The following NDUFS3 variants were observed in gnomAD, a reference collection of about 807,000 sequenced individuals.
NDUFS3 encodes NADH dehydrogenase [ubiquinone] iron-sulfur protein 3, mitochondrial.
In NDUFS3, 19 loss-of-function variants were observed where a neutral mutation model predicts 30.8. The observed-to-expected ratio is 0.62, with a 90% CI of 0.43 to 0.91. The LOEUF (loss-of-function observed/expected upper bound fraction) is 0.91. NDUFS3 is among the 40% of genes least tolerant of loss of function. The pLI, the probability that NDUFS3 is intolerant of heterozygous loss-of-function variation, is 0.00. For missense variants in NDUFS3, 331 were observed against 342.0 expected (o/e 0.97, Z 0.25); for synonymous variants, 153 against 135.8 (o/e 1.13, Z -0.88).
At chr11:47,579,438 T>C (rs766127937) in intron 2 of NDUFS3, 104 bp downstream of exon 2, 2 of 1,448,800 alleles carry the variant, frequency 1.4e-6, no homozygotes, top group Middle Eastern at 3.5e-4. Flanking sequence ...TGGCAAATCT[T>C]GGAGATCTGA....
At position 47,579,076 on chromosome 11, in the gene NDUFS3, T is replaced by C. The variant is rs777710653; in HGVS notation, c.-16T>C. On this transcript the variant is annotated 5_prime_UTR_variant, in exon 1 of 7. Transcript: ENST00000263774. ...TGCTGTCTTTCCGTCCGCTGCCTAGTCTGCATCTGAGTAACATGGCGGCGG... is the reference window on the plus strand; with the variant it reads ...TGCTGTCTTTCCGTCCGCTGCCTAGCCTGCATCTGAGTAACATGGCGGCGG... 1.3e-6 allele frequency: 2 copies of C among 1,557,124 alleles called. No homozygotes were observed. Among genetic ancestry groups the C allele is most frequent in the Non-Finnish European group, 1.7e-6 (2 of 1,151,494 alleles).
rs1168004731 is a variant in NDUFS3, at chr11:47,579,417, C to G, written c.133+83C>G. 1.9e-6 allele frequency: 3 copies of G among 1,542,824 alleles called. No homozygotes were observed. The East Asian group carries it at 6.7e-5, about 35-fold the overall frequency. ...TGTCCTTGCCCTAGGATGCCCTTCCCTACGTCCTCCTGGCAAATCTTGGAG... is the reference window on the plus strand; with the variant it reads ...TGTCCTTGCCCTAGGATGCCCTTCCGTACGTCCTCCTGGCAAATCTTGGAG... On this transcript the variant is annotated intron_variant, in intron 2 of 6. Transcript: ENST00000263774.
intron 4 of NDUFS3, chr11:47,581,226 T>C (rs2097268663): frequency 1.0e-5 from 5 of 490,658 alleles, no homozygotes; most frequent in Non-Finnish European, 1.8e-5. Context: ...TGATCTTGGC[T>C]CACTGCAACC....
chr11:47,581,926 G>A, intron 4 of NDUFS3, 162 bp from the exon 5 acceptor site: 1 of 925,212 alleles, frequency 1.1e-6, no homozygotes, highest in Non-Finnish European at 1.8e-6. Flanking sequence ...CAGGCATGCT[G>A]ACATGCTAAG....
chr11:47,584,428 C>T lies in NDUFS3; in HGVS notation c.742C>T (p.Pro248Ser). 2 of 1,614,112 alleles carry T rather than the reference C, an allele frequency of 1.2e-6. No homozygotes were observed. The highest frequency in any genetic ancestry group is 8.5e-7 in the Non-Finnish European group (1 of 1,180,024). ...GGAGGCTTTCCCAGTCTATCGCCAA[C>T]CCCCGGAGAGTCTCAAGCTTGAAGC... Reference protein sequence around the residue: ...PWEAFPVYRQPPESLKLEAGD... With the variant: ...PWEAFPVYRQSPESLKLEAGD... Residue 248 changes from proline (P) to serine (S), a missense_variant, in exon 7 of 7, where the codon CCC (proline) becomes TCC (serine). Transcript: ENST00000263774.
chr11:47,579,248 G>A, intron 1 of NDUFS3, 21 bp from the exon 2 acceptor site: 1 of 1,614,184 alleles, frequency 6.2e-7, no homozygotes, highest in Non-Finnish European at 8.5e-7. Flanking sequence ...GCGCGTCTGT[G>A]CCTTTTATCT....
At chr11:47,584,164 G>C in intron 6 of NDUFS3, 150 bp from the exon 7 acceptor site, 8 of 1,032,542 alleles carry the variant, frequency 7.7e-6, no homozygotes, top group Non-Finnish European at 1.2e-5. Flanking sequence ...CACAGGTATG[G>C]ATGGAGACTT....
At chr11:47,579,196 C>T in intron 1 of NDUFS3, 38 bp downstream of exon 1, 1 of 1,613,698 alleles carries the variant, frequency 6.2e-7, no homozygotes, top group Non-Finnish European at 8.5e-7. Context: ...GGGTCAGGCG[C>T]AGCGGCGTGC....
chr11:47,584,562 A>G lies in NDUFS3; in HGVS notation c.*81A>G. 6.4e-7 allele frequency: 1 copy of G among 1,556,180 alleles called. No homozygotes were observed. The highest frequency in any genetic ancestry group is 2.2e-5 in the East Asian group (1 of 44,544). On this transcript the variant is annotated 3_prime_UTR_variant, in exon 7 of 7. Coordinates refer to ENST00000263774, the MANE Select transcript of NDUFS3 (RefSeq NM_004551.3). ...TGTAAATAAATTCCTACTTAGACTT[A>G]CCACTTTGTGTGTGCTTGTAATGTG...
chr11:47,582,278 G>A (rs1841471364), intron 5 of NDUFS3, 65 bp downstream of exon 5: 5 of 1,614,084 alleles, frequency 3.1e-6, no homozygotes, highest in Non-Finnish European at 4.2e-6. Context: ...CAGACTACGG[G>A]ATGCAGTGTA....
rs1227211746 is a variant in NDUFS3 at position 47,584,497 on chromosome 11, G to A, written c.*16G>A. The A allele has an allele frequency of 6.2e-7, 1 of 1,613,774 alleles. No individual in the cohort carries two copies. Among genetic ancestry groups the A allele is most frequent in the Admixed American group, 1.7e-5 (1 of 60,014 alleles). On this transcript the variant is annotated 3_prime_UTR_variant, in exon 7 of 7. Coordinates refer to ENST00000263774, the MANE Select transcript of NDUFS3 (RefSeq NM_004551.3). Reference sequence around the variant, plus strand: ...TGCCAAGTAGCTCCAGGGAACGCATGTGGATCCTAGACAGCGCCTTATCTA... The same window carrying A: ...TGCCAAGTAGCTCCAGGGAACGCATATGGATCCTAGACAGCGCCTTATCTA...
intron 4 of NDUFS3, chr11:47,581,192 T>C: frequency 1.7e-6 from 1 of 583,466 alleles, no homozygotes; most frequent in Non-Finnish European, 3.0e-6. Flanking sequence ...TCTTGCTCTG[T>C]CGCCAGGCTG....
chr11:47,582,327 T>C, intron 5 of NDUFS3, 22 bp from the exon 6 acceptor site: 1 of 1,614,202 alleles, frequency 6.2e-7, no homozygotes, highest in Non-Finnish European at 8.5e-7. Context: ...GGATTGGCTG[T>C]TTGAGGTGGT....
intron 6 of NDUFS3, among the ~76,000 whole-genome samples, chr11:47,583,385 G>T (rs534207846): frequency 6.6e-6 from 1 of 152,108 alleles, no homozygotes; most frequent in Admixed American, 6.5e-5. Context: ...TCATTTTAAT[G>T]ATCAAGGCAG....
At chr11:47,579,359 TCTC>T (rs769439586) in intron 2 of NDUFS3, 25 bp downstream of exon 2, 150 of 1,612,584 alleles carry the variant, frequency 9.3e-5, no homozygotes, top group Non-Finnish European at 1.2e-4. Flanking sequence ...GCAGCGCTCT[TCTC>T]TGAACTATCG....
Position 47,579,102 on chromosome 11 carries a change from C to CGGCGGTAGCCAGGCTGTGGT in NDUFS3, c.16_35dup (p.Gly13Ter). The CGGCGGTAGCCAGGCTGTGGT allele has an allele frequency of 6.4e-7, 1 of 1,573,516 alleles. No homozygotes were observed. Among genetic ancestry groups the CGGCGGTAGCCAGGCTGTGGT allele is most frequent in the Non-Finnish European group, 8.6e-7 (1 of 1,161,108 alleles). The stretch of plus-strand genomic sequence containing the variant: ...CTGCATCTGAGTAACATGGCGGCGG[C>CGGCGGTAGCCAGGCTGTGGT]GGCGGTAGCCAGGCTGTGGTGGCGC... On this transcript the variant is annotated frameshift_variant, in exon 1 of 7. Coordinates refer to ENST00000263774, the MANE Select transcript of NDUFS3 (RefSeq NM_004551.3). LOFTEE classifies it high-confidence loss of function.
intron 2 of NDUFS3, 39 bp from the exon 3 acceptor site, chr11:47,580,486 C>T (rs1185927118): frequency 1.2e-6 from 2 of 1,602,978 alleles, no homozygotes; most frequent in Non-Finnish European, 1.7e-6. Context: ...TGGCTTTTGC[C>T]TTCTCCATTT....
intron 6 of NDUFS3, among the ~76,000 whole-genome samples, chr11:47,583,770 CCTG>C: frequency 6.6e-6 from 1 of 152,330 alleles, no homozygotes; most frequent in African/African-American, 2.4e-5. Flanking sequence ...TCACCCCACT[CCTG>C]CTATCTGCCT....
chr11:47,582,254 T>C (rs771175881), intron 5 of NDUFS3, 41 bp downstream of exon 5: 1 of 1,614,244 alleles, frequency 6.2e-7, no homozygotes, highest in Non-Finnish European at 8.5e-7. Context: ...TGGGCCACAG[T>C]TGCAGAACTG....
Sources: gnomAD v4.1 joint callset for allele counts (sites outside exome capture counted in the v4.1 genomes callset) on GRCh38, gnomAD v4.1.1 for gene constraint, MANE v1.5 for transcripts, NCBI Gene and HGNC (gene_info 2026-07-23, HGNC 2026-07-21) for gene names.